Variants in ZEB2 observed in about 807,000 individuals in gnomAD.
ZEB2 encodes zinc finger E-box binding homeobox 2.
A neutral mutation model predicts 99.9 loss-of-function variants in ZEB2; 6 were observed. The observed-to-expected ratio is 0.06, with a 90% CI of 0.03 to 0.12. The LOEUF is 0.12. ZEB2 is among the 10% of genes least tolerant of loss of function. ZEB2 has a pLI of 1.00. For missense variants in ZEB2, 969 were observed against 1,502.8 expected (o/e 0.64, Z 5.87); for synonymous variants, 517 against 542.5 (o/e 0.95, Z 0.65).
At chr2:144,459,493 T>C (rs1406678287) in intron 2 of ZEB2, among the ~76,000 whole-genome samples, 1 of 152,164 alleles carries the variant, frequency 6.6e-6, no homozygotes, top group Non-Finnish European at 1.5e-5. Context: ...GATATACTTG[T>C]AAAGGAGTGT....
chr2:144,452,361 G>A (rs966629572), intron 2 of ZEB2, among the ~76,000 whole-genome samples: 15 of 152,214 alleles, frequency 9.9e-5, no homozygotes, highest in Non-Finnish European at 7.4e-5. Context: ...AAGAAGAAGA[G>A]GGTGAACCAA....
chr2:144,424,025 A>G (rs1344896018), intron 4 of ZEB2, among the ~76,000 whole-genome samples: 1 of 152,206 alleles, frequency 6.6e-6, no homozygotes, highest in Non-Finnish European at 1.5e-5. Flanking sequence ...CACAAAATAA[A>G]TAGTCTCATC....
chr2:144,496,373 C>A (rs2149922105), intron 2 of ZEB2: 1 of 152,314 alleles, frequency 6.6e-6, no homozygotes, highest in Non-Finnish European at 1.5e-5. Context: ...AGATGTAGCA[C>A]ATTCTAGGAT....
chr2:144,474,164 A>T (rs1484030493), intron 2 of ZEB2, among the ~76,000 whole-genome samples: 1 of 152,184 alleles, frequency 6.6e-6, no homozygotes, highest in Non-Finnish European at 1.5e-5. Context: ...GAGCCCTGGG[A>T]TGAGACTGAT....
intron 2 of ZEB2, among the ~76,000 whole-genome samples, chr2:144,432,867 A>G (rs1703791906): frequency 6.6e-6 from 1 of 152,186 alleles, no homozygotes; most frequent in Admixed American, 6.5e-5. Context: ...TAACCAACGT[A>G]TACTGGTTTT....
chr2:144,519,918 A>G (rs1017941546), intron 1 of ZEB2, 21 bp downstream of exon 1: 26 of 442,346 alleles, frequency 5.9e-5, no homozygotes, highest in Admixed American at 4.5e-4. Flanking sequence ...AAGAGAGAAA[A>G]GGGGAGGAAA....
At chr2:144,424,582 G>A (rs1166726756) in intron 4 of ZEB2, among the ~76,000 whole-genome samples, 1 of 152,140 alleles carries the variant, frequency 6.6e-6, no homozygotes, top group Non-Finnish European at 1.5e-5. Context: ...GAGCGTCACA[G>A]GTAAATTAGG....
chr2:144,488,973 A>C (rs1186146074), intron 2 of ZEB2, among the ~76,000 whole-genome samples: 1 of 152,200 alleles, frequency 6.6e-6, no homozygotes, highest in African/African-American at 2.4e-5. Flanking sequence ...TCCTTTGCAC[A>C]TACTGGGTAC....
At chr2:144,413,310 A>G (rs1248610940) in intron 4 of ZEB2, among the ~76,000 whole-genome samples, 1 of 152,270 alleles carries the variant, frequency 6.6e-6, no homozygotes, top group Non-Finnish European at 1.5e-5. Flanking sequence ...GAATGAATGA[A>G]GGAGGCACTC....
rs984545941 is a variant in ZEB2 at position 144,430,029 on chromosome 2, G to A, written c.74-3C>T. ...CACTACATTGTCATAGTTCACCACT[G>A]CAGAAGAAGCACAAAACACACTCTC... On this transcript the variant is annotated splice_polypyrimidine_tract_variant and splice_region_variant and intron_variant, in intron 2 of 9. Coordinates refer to ENST00000627532, the MANE Select transcript of ZEB2 (RefSeq NM_014795.4). The A allele has an allele frequency of 2.5e-6, 4 of 1,612,302 alleles. No homozygotes were observed. The highest frequency in any genetic ancestry group is 2.5e-6 in the Non-Finnish European group (3 of 1,179,798).
chr2:144,457,418 T>G (rs1704135068), intron 2 of ZEB2, among the ~76,000 whole-genome samples: 2 of 152,160 alleles, frequency 1.3e-5, no homozygotes, highest in Non-Finnish European at 2.9e-5. Context: ...CTTCATCACC[T>G]TGGGTGTACA....
At chr2:144,517,452 C>A in intron 1 of ZEB2, 33 bp from the exon 2 acceptor site, 1 of 1,448,264 alleles carries the variant, frequency 6.9e-7, no homozygotes, top group Non-Finnish European at 9.6e-7. Flanking sequence ...ATGTGGGCAT[C>A]GCCCGCGCCC....
chr2:144,463,390 A>G (rs78188454), intron 2 of ZEB2: 3 of 152,208 alleles, frequency 2.0e-5, no homozygotes, highest in African/African-American at 4.8e-5. Flanking sequence ...AGAAAAAAAA[A>G]GAAAAGAGGT....
intron 4 of ZEB2, among the ~76,000 whole-genome samples, chr2:144,414,713 T>C (rs2149884385): frequency 2.0e-5 from 3 of 152,344 alleles, no homozygotes; most frequent in Middle Eastern, 6.8e-3. Flanking sequence ...GTATCCTGAC[T>C]CTTCACCCAC....
At chr2:144,424,576 G>A (rs777761440) in intron 4 of ZEB2, 51 of 641,378 alleles carry the variant, frequency 8.0e-5, no homozygotes, top group Middle Eastern at 5.5e-4. Context: ...ATTCTTGAGC[G>A]TCACAGGTAA....
intron 9 of ZEB2, among the ~76,000 whole-genome samples, chr2:144,393,904 CA>C (rs1175796245): frequency 1.3e-5 from 2 of 152,114 alleles, no homozygotes; most frequent in African/African-American, 2.4e-5. Flanking sequence ...CTTTAAAAAA[CA>C]AAGTTTGTTT....
At chr2:144,465,670 A>C (rs1704261686) in intron 2 of ZEB2, among the ~76,000 whole-genome samples, 1 of 152,182 alleles carries the variant, frequency 6.6e-6, no homozygotes, top group South Asian at 2.1e-4. Flanking sequence ...TAGCTTAACA[A>C]GCAAGTGTGT....
intron 4 of ZEB2, among the ~76,000 whole-genome samples, chr2:144,423,620 T>A (rs1408969564): frequency 6.6e-6 from 1 of 152,214 alleles, no homozygotes; most frequent in Non-Finnish European, 1.5e-5. Flanking sequence ...TCTTGGTGCT[T>A]GATTCTATAC....
chr2:144,465,620 T>G (rs1021563185), intron 2 of ZEB2, among the ~76,000 whole-genome samples: 3 of 152,180 alleles, frequency 2.0e-5, no homozygotes, highest in Non-Finnish European at 4.4e-5. Flanking sequence ...AGGAGACTGT[T>G]ATCATTTGGT....
Sources: allele counts gnomAD v4.1 joint callset (sites outside exome capture counted in the v4.1 genomes callset), GRCh38; gene constraint gnomAD v4.1.1; transcripts MANE v1.5; gene names NCBI Gene and HGNC (gene_info 2026-07-23, HGNC 2026-07-21).